Variants in JAK1 observed in about 807,000 individuals in gnomAD.
JAK1 encodes the protein tyrosine-protein kinase JAK1.
In JAK1, 16 loss-of-function variants were observed where a neutral mutation model predicts 136.6. The ratio of observed to expected loss-of-function variants is 0.12; its 90% CI spans 0.08 to 0.18. JAK1 has a LOEUF of 0.18. JAK1 is among the 10% of genes least tolerant of loss of function. JAK1 has a pLI of 1.00. For missense variants in JAK1, 859 were observed against 1,450.1 expected (o/e 0.59, Z 6.62); for synonymous variants, 492 against 519.5 (o/e 0.95, Z 0.72).
Position 64,879,131 on chromosome 1 carries a change from G to A in JAK1, c.223C>T (p.His75Tyr), listed in dbSNP as rs1644729865. ...AQACRISPLC[H>Y]NLFALYDENT... ...TCGTCATACAGGGCAAAGAGGTTGT[G>A]ACAAAGAGGAGAGATACCTGAGGAA... Residue 75 changes from histidine (H) to tyrosine (Y), a missense_variant, in exon 4 of 25, where the codon CAC (histidine) becomes TAC (tyrosine). His to Tyr is a moderately conservative substitution (Grantham distance 83). Transcript: ENST00000342505. The A allele has an allele frequency of 6.2e-7, 1 of 1,613,944 alleles. No homozygotes were observed. Among genetic ancestry groups the A allele is most frequent in the Non-Finnish European group, 8.5e-7 (1 of 1,179,922 alleles).
intron 1 of JAK1, among the ~76,000 whole-genome samples, chr1:64,936,931 A>C (rs1224222836): frequency 6.6e-6 from 1 of 152,128 alleles, no homozygotes; most frequent in African/African-American, 2.4e-5. Flanking sequence ...ATTTTATATT[A>C]ATAAATCAAA....
At chr1:65,053,356 A>G (rs1569956554) in intron 1 of JAK1, among the ~76,000 whole-genome samples, 1 of 152,338 alleles carries the variant, frequency 6.6e-6, no homozygotes, top group African/African-American at 2.4e-5. Context: ...AAAAAAACAC[A>G]AAAACAAAAA....
At chr1:64,959,535 GC>G (rs1646246893) in intron 1 of JAK1, among the ~76,000 whole-genome samples, 1 of 152,112 alleles carries the variant, frequency 6.6e-6, no homozygotes, top group Non-Finnish European at 1.5e-5. Context: ...TGGTGCCTCT[GC>G]CAATAGCCCA....
intron 11 of JAK1, among the ~76,000 whole-genome samples, chr1:64,853,969 T>C (rs544374158): frequency 2.0e-5 from 3 of 152,314 alleles, no homozygotes; most frequent in Admixed American, 6.5e-5. Flanking sequence ...TGTGAATAAA[T>C]AGGGCTGTTG....
chr1:64,981,303 C>T (rs1242766361), intron 2 of JAK1, among the ~76,000 whole-genome samples: 4 of 152,172 alleles, frequency 2.6e-5, no homozygotes, highest in African/African-American at 7.2e-5. Flanking sequence ...TCCTTGGAAA[C>T]GTGTCTTTTA....
At chr1:64,840,796 A>G (rs1654845511) in intron 19 of JAK1, among the ~76,000 whole-genome samples, 1 of 150,952 alleles carries the variant, frequency 6.6e-6, no homozygotes. Flanking sequence ...CACACCACTC[A>G]CTCCAGCCTG....
At chr1:65,028,231 T>C (rs1412249571) in intron 2 of JAK1, among the ~76,000 whole-genome samples, 1 of 152,102 alleles carries the variant, frequency 6.6e-6, no homozygotes, top group Non-Finnish European at 1.5e-5. Flanking sequence ...CCCTGACTAA[T>C]TAAAATAGCA....
At chr1:65,000,054 G>A (rs1045567694) in intron 2 of JAK1, among the ~76,000 whole-genome samples, 9 of 150,352 alleles carry the variant, frequency 6.0e-5, no homozygotes, top group Admixed American at 2.6e-4. Flanking sequence ...GCAGTGGCAC[G>A]ATCTTGGGTC....
intron 2 of JAK1, among the ~76,000 whole-genome samples, chr1:65,030,762 C>T (rs1474028351): frequency 6.6e-6 from 1 of 152,144 alleles, no homozygotes; most frequent in Admixed American, 6.5e-5. Context: ...GAACTCCTGA[C>T]CTCAGGTGAT....
chr1:64,925,622 T>C (rs1385780856), intron 1 of JAK1, among the ~76,000 whole-genome samples: 1 of 152,172 alleles, frequency 6.6e-6, no homozygotes, highest in Non-Finnish European at 1.5e-5. Context: ...CGGTTCAAAC[T>C]GACTTCCTGT....
intron 1 of JAK1, among the ~76,000 whole-genome samples, chr1:64,941,431 T>A (rs762485079): frequency 4.6e-5 from 7 of 152,204 alleles, no homozygotes; most frequent in Non-Finnish European, 8.8e-5. Flanking sequence ...GTTATTATTC[T>A]GATAATTATC....
At chr1:64,929,538 T>G (rs986037998) in intron 1 of JAK1, among the ~76,000 whole-genome samples, 1 of 152,222 alleles carries the variant, frequency 6.6e-6, no homozygotes, top group Non-Finnish European at 1.5e-5. Context: ...CAAGTTAAAA[T>G]TCAGTGCTCA....
In JAK1 at chr1:64,841,228, G is replaced by A; in HGVS notation, c.2649+17C>T. 6.3e-7 allele frequency: 1 copy of A among 1,578,824 alleles called. No individual in the cohort carries two copies. The highest frequency in any genetic ancestry group is 8.7e-7 in the Non-Finnish European group (1 of 1,147,690). ...AGGGCTCTGCCATCAGCAGCAAGCA[G>A]CACGGGTGTAACTTACCTCTCCCAA... On this transcript the variant is annotated intron_variant, in intron 19 of 24. Coordinates refer to ENST00000342505, the MANE Select transcript of JAK1 (RefSeq NM_002227.4).
chr1:64,991,835 G>T (rs931846478), intron 2 of JAK1: 3 of 152,060 alleles, frequency 2.0e-5, no homozygotes, highest in Non-Finnish European at 4.4e-5. Context: ...CATTACAATC[G>T]CATCAAAAAG....
chr1:64,864,480 C>T (rs1486329194), intron 8 of JAK1, among the ~76,000 whole-genome samples: 1 of 152,216 alleles, frequency 6.6e-6, no homozygotes, highest in Non-Finnish European at 1.5e-5. Context: ...CTGACATTCG[C>T]TGGTTTTCTT....
rs77586045 is a variant in JAK1, at chr1:64,869,039, C to T, written c.647+272G>A. On this transcript the variant is annotated intron_variant, in intron 6 of 24. Coordinates refer to ENST00000342505, the MANE Select transcript of JAK1 (RefSeq NM_002227.4). Reference sequence around the variant, plus strand: ...GTGTCCACCATGGGCAAGGAGGGGACGGAGAAGGCCTGGGGGCCACTAATT... The same window carrying T: ...GTGTCCACCATGGGCAAGGAGGGGATGGAGAAGGCCTGGGGGCCACTAATT... Among the ~76,000 whole-genome samples the T allele has an allele frequency of 8.5e-3, 1,288 of 152,172 alleles. 25 individuals are homozygous for T. Among genetic ancestry groups the T allele is most frequent in the African/African-American group, 0.03 (1,236 of 41,524 alleles).
chr1:64,912,276 A>G (rs1441212465), intron 1 of JAK1, among the ~76,000 whole-genome samples: 2 of 152,182 alleles, frequency 1.3e-5, no homozygotes, highest in African/African-American at 2.4e-5. Context: ...AAGATTTCCA[A>G]GGTAGACACA....
chr1:64,860,823 A>ACT (rs1163144631), intron 8 of JAK1, among the ~76,000 whole-genome samples: 9 of 103,514 alleles, frequency 8.7e-5, no homozygotes, highest in Admixed American at 1.0e-4. Flanking sequence ...CTATCAGATG[A>ACT]CTCTGTGTGT....
intron 1 of JAK1, among the ~76,000 whole-genome samples, chr1:65,060,359 G>A (rs1391654463): frequency 6.6e-6 from 1 of 152,130 alleles, no homozygotes; most frequent in Non-Finnish European, 1.5e-5. Context: ...CTGAAACACT[G>A]AAGGTTGGGT....
Sources: allele counts gnomAD v4.1 joint callset (sites outside exome capture counted in the v4.1 genomes callset), GRCh38; gene constraint gnomAD v4.1.1; transcripts MANE v1.5; gene names NCBI Gene and HGNC (gene_info 2026-07-23, HGNC 2026-07-21).